Variants in JAG2 observed in about 807,000 individuals in gnomAD.
JAG2 encodes the protein jagged canonical Notch ligand 2, also known as protein jagged-2.
A neutral mutation model predicts 141.7 loss-of-function variants in JAG2; 46 were observed. The observed-to-expected ratio is 0.32, with a 90% CI of 0.26 to 0.42. The LOEUF (loss-of-function observed/expected upper bound fraction) is 0.42. Ranked by LOEUF, JAG2 falls within the 10% of genes least tolerant of loss-of-function variation. The probability of loss-of-function intolerance (pLI) is 1.00; values close to 1 mark genes in which losing one functional copy is unlikely to be tolerated. For missense variants in JAG2, 1,500 were observed against 1,817.5 expected (o/e 0.83, Z 3.18); for synonymous variants, 862 against 763.5 (o/e 1.13, Z -2.13).
At chr14:105,150,449 C>T (rs1888386726) in intron 12 of JAG2, among the ~76,000 whole-genome samples, 155 bp downstream of exon 12, 1 of 152,190 alleles carries the variant, frequency 6.6e-6, no homozygotes, top group African/African-American at 2.4e-5. Flanking sequence ...CCCGCCTGCC[C>T]ACCTGGCACC....
In JAG2 at chr14:105,167,330, G is replaced by A. The variant is rs1368476830; in HGVS notation, c.417+427C>T. 6.6e-6 allele frequency among the ~76,000 whole-genome samples: 1 copy of A among 152,116 alleles called. No homozygotes were observed. The highest frequency in any genetic ancestry group is 1.5e-5 in the Non-Finnish European group (1 of 68,000). ...CCCCCAGGCATCCAGGAAACTGCAGGGCAGGCGCAGGCTGGCCACGGGCCC... is the reference window on the plus strand; with the variant it reads ...CCCCCAGGCATCCAGGAAACTGCAGAGCAGGCGCAGGCTGGCCACGGGCCC... On this transcript the variant is annotated intron_variant, in intron 2 of 25. Coordinates refer to ENST00000331782, the MANE Select transcript of JAG2 (RefSeq NM_002226.5). The surrounding 1 kb of genome is among the most constrained non-coding windows in gnomAD (Gnocchi z 4.8).
In JAG2 at chr14:105,146,637, C is replaced by G; in HGVS notation, c.2567G>C (p.Gly856Ala). The G allele has an allele frequency of 6.2e-7, 1 of 1,612,624 alleles. No individual in the cohort carries two copies. ...TTCCTGGCACCGGGGGCCGGCTCGG[C>G]CGGGTGGGCAGCTACAGCGATACCC... ...INGYRCSCPP[G>A]RAGPRCQEVI... The change falls in exon 21 of 26, where the codon GGC becomes GCC. Residue 856 changes from glycine (G) to alanine (A), a missense_variant. Transcript: ENST00000331782.
intron 3 of JAG2, 123 bp downstream of exon 3, chr14:105,157,583 G>C: frequency 2.0e-6 from 2 of 993,462 alleles, no homozygotes; most frequent in Non-Finnish European, 3.1e-6. Flanking sequence ...AGCAAAAAGG[G>C]AAACAGCACA....
intron 2 of JAG2, among the ~76,000 whole-genome samples, chr14:105,164,550 A>G (rs1480882346): frequency 6.6e-6 from 1 of 152,116 alleles, no homozygotes; most frequent in Non-Finnish European, 1.5e-5. Flanking sequence ...CCAAGCTCAG[A>G]AAAAACAGGA....
At chr14:105,162,445 T>A (rs926455263) in intron 2 of JAG2, among the ~76,000 whole-genome samples, 1 of 39,362 alleles carries the variant, frequency 2.5e-5, no homozygotes, top group African/African-American at 9.0e-5. Context: ...GACAAGACAA[T>A]AGATGTTCCA....
In JAG2 at chr14:105,155,823, G is replaced by A. The variant is rs142729116; in HGVS notation, c.642C>T (p.Arg214=). The part of the protein sequence containing the change: ...SATCNKFCRP[R]NDFFGHYTCD... ...AGGTGTAGTGGCCGAAAAAGTCGTTGCGGGGCCGGCAGAACTTGTTGCAAG... is the reference window on the plus strand; with the variant it reads ...AGGTGTAGTGGCCGAAAAAGTCGTTACGGGGCCGGCAGAACTTGTTGCAAG... Residue 214 remains arginine, a synonymous_variant, in exon 4 of 26, where the codon CGC becomes CGT. Transcript: ENST00000331782. 2,746 of 1,612,770 alleles carry A rather than the reference G, an allele frequency of 1.7e-3. 4 individuals carry two copies. The highest frequency in any genetic ancestry group is 2.1e-3 in the Non-Finnish European group (2,475 of 1,179,872).
At chr14:105,162,699 CAGAGTACCCTCCTG>C (rs1459064798) in intron 2 of JAG2, among the ~76,000 whole-genome samples, 966 of 149,468 alleles carry the variant, frequency 6.5e-3, no homozygotes, top group Middle Eastern at 0.014. Context: ...ACCCAAAGTA[CAGAGTACCCTCCTG>C]CCCAGGGCAC....
chr14:105,153,914 C>T lies in JAG2; in HGVS notation c.789-1623G>A, dbSNP rs587640886. Among the ~76,000 whole-genome samples the T allele has an allele frequency of 8.5e-5, 13 of 152,328 alleles. No individual in the cohort carries two copies. In the East Asian group the frequency reaches 1.4e-3, roughly 16 times the overall value. Reference sequence around the variant, plus strand: ...GGCGAGGGTGAGTGGGGCCGACTCCCGTAGATCTACATCTACATCTGCCCA... The same window carrying T: ...GGCGAGGGTGAGTGGGGCCGACTCCTGTAGATCTACATCTACATCTGCCCA... On this transcript the variant is annotated intron_variant, in intron 5 of 25. Coordinates refer to ENST00000331782, the MANE Select transcript of JAG2 (RefSeq NM_002226.5).
chr14:105,141,271 T>C lies in JAG2; in HGVS notation c.*1424A>G. The C allele has an allele frequency of 6.6e-6, 1 of 152,254 alleles. No individual in the cohort carries two copies. 9.4% of individuals were successfully genotyped at this position (152,254 alleles called of 1,614,324 possible). A position where few individuals can be genotyped will look rare whatever the true frequency, so the allele number is the denominator to read the frequency against. On this transcript the variant is annotated 3_prime_UTR_variant, in exon 26 of 26. Transcript: ENST00000331782. ...TCAAGCAGTGAGGGGCAAAACCAGC[T>C]CCAGGGCCAGGTGGAAGGGCTGCTT...
In JAG2 at chr14:105,157,779, G is replaced by T; in HGVS notation, c.418-16C>A. Reference sequence around the variant, plus strand: ...TAAAGGAGCGCTGCAGACATGGGGAGGCGGGTCAGGTACCTGAGGCCACAC... The same window carrying T: ...TAAAGGAGCGCTGCAGACATGGGGATGCGGGTCAGGTACCTGAGGCCACAC... On this transcript the variant is annotated splice_polypyrimidine_tract_variant and intron_variant, in intron 2 of 25. Transcript: ENST00000331782. 6.4e-7 allele frequency: 1 copy of T among 1,564,492 alleles called. No homozygotes were observed.
At chr14:105,147,713 G>A in intron 18 of JAG2, 59 bp downstream of exon 18, 2 of 1,267,628 alleles carry the variant, frequency 1.6e-6, no homozygotes, top group Non-Finnish European at 2.2e-6. Context: ...CGAGTCGGGG[G>A]CAGGGATGTC....
Position 105,145,595 on chromosome 14 carries a change from G to A in JAG2, c.2952+136C>T, listed in dbSNP as rs1013879853. On this transcript the variant is annotated intron_variant, in intron 23 of 25. Coordinates refer to ENST00000331782, the MANE Select transcript of JAG2 (RefSeq NM_002226.5). The stretch of plus-strand genomic sequence containing the variant: ...TGCCCCTCTCATCTGACCCCACAGG[G>A]CCACTCTCTGTGACCAAGAGTGACT... 8 of 1,166,000 alleles carry A rather than the reference G, an allele frequency of 6.9e-6. No homozygotes were observed. In the Admixed American group the frequency reaches 1.6e-4, roughly 23 times the overall value. The allele number at this position is 1,166,000 out of a possible 1,614,324, so 72.2% of individuals were successfully genotyped here.
intron 2 of JAG2, among the ~76,000 whole-genome samples, chr14:105,158,990 G>A (rs993624843): frequency 3.3e-5 from 5 of 151,606 alleles, no homozygotes; most frequent in South Asian, 2.1e-4. Context: ...CCCCACGCAC[G>A]TCCCAGTGCC....
rs1039500323 is a variant in JAG2, at chr14:105,155,559, C to G, written c.788+3G>C. ...GGCAAAGACGGGCCGGCGGCACACT[C>G]ACCTGCACTCCCCAGGCACGGTGCA... is the stretch of plus-strand genomic sequence containing the variant. On this transcript the variant is annotated splice_donor_region_variant and intron_variant, in intron 5 of 25. Coordinates refer to ENST00000331782, the MANE Select transcript of JAG2 (RefSeq NM_002226.5). 5 of 1,612,746 alleles carry G rather than the reference C, an allele frequency of 3.1e-6. No individual in the cohort carries two copies. The highest frequency in any genetic ancestry group is 1.1e-5 in the South Asian group (1 of 91,088).
At position 105,151,109 on chromosome 14, in the gene JAG2, G is replaced by GA; in HGVS notation, c.1268-6dup. ...TCCCTTCACACTCATTGGCGTCTGT[G>GA]AAAGAGACAAGGTGGGAGCCGTGGG... On this transcript the variant is annotated splice_region_variant and splice_polypyrimidine_tract_variant and intron_variant, in intron 9 of 25. Coordinates refer to ENST00000331782, the MANE Select transcript of JAG2 (RefSeq NM_002226.5). 1.9e-6 allele frequency: 3 copies of GA among 1,607,948 alleles called. No individual in the cohort carries two copies. Among genetic ancestry groups the GA allele is most frequent in the Non-Finnish European group, 2.5e-6 (3 of 1,177,526 alleles).
chr14:105,146,380 C>T lies in JAG2; in HGVS notation c.2709+5G>A. ...AGGGCAGGGCGGCTCACGGGCTGCCCTCACCTTGCTGCAGTCACGGCGGCC... is the reference window on the plus strand; with the variant it reads ...AGGGCAGGGCGGCTCACGGGCTGCCTTCACCTTGCTGCAGTCACGGCGGCC... On this transcript the variant is annotated splice_donor_5th_base_variant and intron_variant, in intron 22 of 25. Coordinates refer to ENST00000331782, the MANE Select transcript of JAG2 (RefSeq NM_002226.5). 2 of 1,611,494 alleles carry T rather than the reference C, an allele frequency of 1.2e-6. No homozygotes were observed. Among genetic ancestry groups the T allele is most frequent in the Non-Finnish European group, 1.7e-6 (2 of 1,178,942 alleles).
Position 105,168,048 on chromosome 14 carries a change from C to T in JAG2, c.126G>A (p.Gly42=). The change falls in exon 2 of 26, where the codon GGG becomes GGA. Residue 42 remains glycine, a synonymous_variant. Coordinates refer to ENST00000331782, the MANE Select transcript of JAG2 (RefSeq NM_002226.5). ...CACAGCAGGCGCCGCTCAGCAGCTCCCCGTTCACGTTCCGCAGCGCGCTCA... is the reference window on the plus strand; with the variant it reads ...CACAGCAGGCGCCGCTCAGCAGCTCTCCGTTCACGTTCCGCAGCGCGCTCA... The part of the protein sequence containing the change: ...LQLSALRNVN[G]ELLSGACCDG... 1 of 1,593,492 alleles carries T rather than the reference C, an allele frequency of 6.3e-7. No homozygotes were observed. Among genetic ancestry groups the T allele is most frequent in the South Asian group, 1.1e-5 (1 of 90,330 alleles).
chr14:105,165,832 G>T (rs1230234232), intron 2 of JAG2, among the ~76,000 whole-genome samples: 1 of 152,226 alleles, frequency 6.6e-6, no homozygotes, highest in African/African-American at 2.4e-5. Flanking sequence ...CCCTCCTCAG[G>T]TCCCAGGGAG....
In JAG2 at chr14:105,147,310, C is replaced by T; in HGVS notation, c.2479+16G>A. 1 of 1,549,794 alleles carries T rather than the reference C, an allele frequency of 6.5e-7. No homozygotes were observed. Among genetic ancestry groups the T allele is most frequent in the Non-Finnish European group, 8.7e-7 (1 of 1,146,010 alleles). ...GGCTGAGGGGCTCCCAGGGCTGGGG[C>T]TGTCTGGCCACTCACTGATGCGGCA... is the stretch of plus-strand genomic sequence containing the variant. On this transcript the variant is annotated intron_variant, in intron 20 of 25. Transcript: ENST00000331782.
Sources: allele counts gnomAD v4.1 joint callset (sites outside exome capture counted in the v4.1 genomes callset), GRCh38; gene constraint gnomAD v4.1.1; non-coding constraint Gnocchi (gnomAD v3.1); transcripts MANE v1.5; gene names NCBI Gene and HGNC (gene_info 2026-07-23, HGNC 2026-07-21).